FAM120B: variants seen among roughly 807,000 people sequenced by gnomAD.
FAM120B encodes the protein family with sequence similarity 120 member B, also known as constitutive coactivator of peroxisome proliferator-activated receptor gamma.
FAM120B carries 83 observed loss-of-function variants against 96.3 expected under a neutral mutation model. The ratio of observed to expected loss-of-function variants is 0.86; its 90% CI spans 0.72 to 1.03. The LOEUF (loss-of-function observed/expected upper bound fraction) is 1.03. FAM120B is among the 50% of genes least tolerant of loss of function. FAM120B has a pLI of 0.00. For missense variants in FAM120B, 1,027 were observed against 1,121.2 expected, an observed-to-expected ratio of 0.92 and a Z score of 1.20; for synonymous variants, 407 against 402.7, an observed-to-expected ratio of 1.01 and a Z score of -0.13.
chr6:170,386,631 CTCAGGA>C (rs1790200330), intron 6 of FAM120B, among the ~76,000 whole-genome samples: 1 of 152,308 alleles, frequency 6.6e-6, no homozygotes, highest in East Asian at 1.9e-4. Context: ...ACAAGGAAAC[CTCAGGA>C]TCAGAGGGCT....
chr6:170,301,410 C>T (rs1784138674), intron 1 of FAM120B, among the ~76,000 whole-genome samples: 1 of 152,238 alleles, frequency 6.6e-6, no homozygotes, highest in South Asian at 2.1e-4. Context: ...CCTCCTAGGC[C>T]TCTAGGCCTG....
At chr6:170,306,199 G>C (rs578163937), upstream of FAM120B, among the ~76,000 whole-genome samples, 1 of 152,202 alleles carries the variant, frequency 6.6e-6, no homozygotes, top group Non-Finnish European at 1.5e-5. Context: ...GACTGGGGCC[G>C]CGCCGTCCCG....
chr6:170,334,237 C>G (rs1225135040), intron 4 of FAM120B, among the ~76,000 whole-genome samples: 1 of 152,064 alleles, frequency 6.6e-6, no homozygotes, highest in Non-Finnish European at 1.5e-5. Context: ...CTTGAAGAAC[C>G]TTTTTAAAGT....
chr6:170,302,156 T>C (rs991488516), upstream of FAM120B, among the ~76,000 whole-genome samples: 2 of 152,154 alleles, frequency 1.3e-5, no homozygotes, highest in Non-Finnish European at 2.9e-5. Flanking sequence ...CAGTTCAGCA[T>C]GGTTAGGGAG....
At chr6:170,305,780 A>G (rs1028502664), upstream of FAM120B, among the ~76,000 whole-genome samples, 8 of 152,194 alleles carry the variant, frequency 5.3e-5, no homozygotes, top group African/African-American at 1.9e-4. Flanking sequence ...AAAAGGCGGA[A>G]CTGCAGCTAG....
chr6:170,399,632 G>A (rs1469772506), intron 9 of FAM120B, among the ~76,000 whole-genome samples: 3 of 145,230 alleles, frequency 2.1e-5, no homozygotes, highest in African/African-American at 7.7e-5. Flanking sequence ...AGCCTTAGGA[G>A]TGAGTGGGGA....
intron 9 of FAM120B, among the ~76,000 whole-genome samples, chr6:170,402,107 A>T (rs1296675270): frequency 6.6e-6 from 1 of 152,264 alleles, no homozygotes; most frequent in African/African-American, 2.4e-5. Flanking sequence ...GGTGCTGTGC[A>T]CGTCCCAGGA....
At chr6:170,352,373 A>T (rs1321459956) in intron 5 of FAM120B, among the ~76,000 whole-genome samples, 1 of 152,196 alleles carries the variant, frequency 6.6e-6, no homozygotes, top group Non-Finnish European at 1.5e-5. Context: ...GATCATCAAG[A>T]CAGAAAATTA....
At chr6:170,366,440 C>G (rs1228635256) in intron 6 of FAM120B, among the ~76,000 whole-genome samples, 1 of 152,204 alleles carries the variant, frequency 6.6e-6, no homozygotes, top group Non-Finnish European at 1.5e-5. Context: ...GGGCAGGCAG[C>G]TGAGTCTATT....
In FAM120B at chr6:170,375,912, G is replaced by A. The variant is rs530143651; in HGVS notation, c.2284-12375G>A. On this transcript the variant is annotated intron_variant, in intron 6 of 10. Coordinates refer to ENST00000476287, the MANE Select transcript of FAM120B (RefSeq NM_032448.3). ...GTCAGAGGTAAGAACAAGGGAAGGA[G>A]CGGGACTGTTTGTGAAGAGAGAGCA... Among the ~76,000 whole-genome samples the A allele has an allele frequency of 3.9e-5, 6 of 152,322 alleles. No individual in the cohort carries two copies. The South Asian group carries it at 1.2e-3, about 32-fold the overall frequency.
intron 6 of FAM120B, among the ~76,000 whole-genome samples, chr6:170,384,614 T>C (rs2115299867): frequency 6.6e-6 from 1 of 152,300 alleles, no homozygotes; most frequent in Middle Eastern, 3.4e-3. Flanking sequence ...TGTAAGTTAG[T>C]ATGCACAGTT....
At chr6:170,359,734 C>T (rs73036656) in intron 6 of FAM120B, among the ~76,000 whole-genome samples, 6,927 of 152,214 alleles carry the variant, frequency 0.046, 214 homozygotes, top group Non-Finnish European at 0.068. Flanking sequence ...CCACCACACC[C>T]GGCCACAACT....
intron 1 of FAM120B, among the ~76,000 whole-genome samples, chr6:170,299,031 T>C (rs1257507708): frequency 6.6e-6 from 1 of 152,272 alleles, no homozygotes; most frequent in African/African-American, 2.4e-5. Context: ...TGGACCTGTC[T>C]CTGCCACCAG....
chr6:170,338,098 CTCTAGTT>C (rs1357154899), intron 4 of FAM120B, among the ~76,000 whole-genome samples: 2 of 152,068 alleles, frequency 1.3e-5, no homozygotes, highest in Non-Finnish European at 2.9e-5. Flanking sequence ...GCTCTTGCTT[CTCTAGTT>C]CTTTTAATTG....
intron 4 of FAM120B, among the ~76,000 whole-genome samples, chr6:170,347,487 TC>T (rs1787268804): frequency 6.6e-6 from 1 of 152,222 alleles, no homozygotes; most frequent in South Asian, 2.1e-4. Context: ...AGTTTAAACA[TC>T]TATATAAAAT....
intron 1 of FAM120B, among the ~76,000 whole-genome samples, chr6:170,308,441 C>T (rs1784412597): frequency 6.6e-6 from 1 of 152,022 alleles, no homozygotes; most frequent in African/African-American, 2.4e-5. Flanking sequence ...CACCTGTGGC[C>T]CACTGAGAAA....
intron 6 of FAM120B, among the ~76,000 whole-genome samples, chr6:170,386,423 A>G (rs1486102593): frequency 2.0e-5 from 3 of 152,244 alleles, no homozygotes; most frequent in East Asian, 3.8e-4. Context: ...AATGCAGACT[A>G]AAGAGATGAG....
In FAM120B at chr6:170,318,422, T is replaced by C; in HGVS notation, c.1032T>C (p.Cys344=). Residue 344 remains cysteine (C), a synonymous_variant, in exon 2 of 11, where the codon TGT becomes TGC. Transcript: ENST00000476287. ...AATCCAGGGAAGAAGTTCCCATGTG[T>C]TCAGATGCTGAATCCAGGCAAGAAG... The part of the protein sequence containing the change: ...DAESREEVPM[C]SDAESRQEVP... 2 of 1,614,254 alleles carry C rather than the reference T, an allele frequency of 1.2e-6. No homozygotes were observed. The highest frequency in any genetic ancestry group is 1.7e-6 in the Non-Finnish European group (2 of 1,180,046).
At chr6:170,361,222 A>ATATATATATATACACACG (rs1788401750) in intron 6 of FAM120B, among the ~76,000 whole-genome samples, 1 of 102,004 alleles carries the variant, frequency 9.8e-6, no homozygotes, top group African/African-American at 3.4e-5. Flanking sequence ...ATATATATAT[A>ATATATATATATACACACG]TATATATATA....
Sources: allele counts gnomAD v4.1 joint callset (sites outside exome capture counted in the v4.1 genomes callset), GRCh38; gene constraint gnomAD v4.1.1; transcripts MANE v1.5; gene names NCBI Gene and HGNC (gene_info 2026-07-23, HGNC 2026-07-21).